Variants in ROBO1 observed in about 807,000 individuals in gnomAD.
ROBO1 encodes the protein roundabout homolog 1.
In ROBO1, 149 loss-of-function variants were observed where a neutral mutation model predicts 195.9. The observed-to-expected ratio is 0.76, with a 90% confidence interval of 0.67 to 0.87. The LOEUF is 0.87. Among genes scored for constraint, ROBO1 ranks in the 40% least tolerant of loss-of-function variants. ROBO1 has a pLI of 0.00. For synonymous variants in ROBO1, 816 were observed against 733.2 expected (o/e 1.11, Z -1.82); for missense variants, 1,933 against 2,068.3 (o/e 0.93, Z 1.27).
chr3:79,280,606 TTTGGATTGCTGTGTC>T (rs2031429907), intron 2 of ROBO1, among the ~76,000 whole-genome samples: 1 of 152,164 alleles, frequency 6.6e-6, no homozygotes, highest in Non-Finnish European at 1.5e-5. Flanking sequence ...TAATCTGACT[TTTGGATTGCTGTGTC>T]TTACACCAGC....
chr3:78,685,855 G>T lies in ROBO1; in HGVS notation c.1233C>A (p.Gly411=). 6.2e-7 allele frequency: 1 copy of T among 1,608,830 alleles called. No homozygotes were observed. Among genetic ancestry groups the T allele is most frequent in the Non-Finnish European group, 8.5e-7 (1 of 1,176,788 alleles). The change falls in exon 10 of 31, where the codon GGC becomes GGA. Residue 411 remains glycine (G), a synonymous_variant. Transcript: ENST00000464233. Reference sequence around the variant, plus strand: ...GCTGGACATTAGTAATTGTGAGGTCGCCAGTCTGGGAGACTGAAAATCGGC... The same window carrying T: ...GCTGGACATTAGTAATTGTGAGGTCTCCAGTCTGGGAGACTGAAAATCGGC... The part of the protein sequence containing the change: ...SSSRFSVSQT[G]DLTITNVQRS...
At chr3:79,350,778 T>G (rs1336594709) in intron 2 of ROBO1, among the ~76,000 whole-genome samples, 1 of 152,156 alleles carries the variant, frequency 6.6e-6, no homozygotes, top group East Asian at 1.9e-4. Flanking sequence ...TTTTTAGTGC[T>G]GAGGGGATTG....
At chr3:79,093,351 A>C (rs541455083) in intron 3 of ROBO1, among the ~76,000 whole-genome samples, 1 of 152,136 alleles carries the variant, frequency 6.6e-6, no homozygotes, top group Non-Finnish European at 1.5e-5. Flanking sequence ...GTTAATTTTC[A>C]TATAAAACAC....
chr3:78,642,694 C>T (rs73850745), intron 21 of ROBO1, among the ~76,000 whole-genome samples: 3,281 of 152,280 alleles, frequency 0.022, 105 homozygotes, highest in African/African-American at 0.069. Context: ...TGAGTAGCAA[C>T]GGCTACTTAA....
chr3:79,491,014 G>A (rs1343595965), intron 2 of ROBO1, among the ~76,000 whole-genome samples: 1 of 151,830 alleles, frequency 6.6e-6, no homozygotes, highest in Non-Finnish European at 1.5e-5. Flanking sequence ...GTGTCTCTAT[G>A]GTAAATTTAT....
intron 2 of ROBO1, among the ~76,000 whole-genome samples, chr3:79,175,271 C>T (rs1419755939): frequency 6.6e-6 from 1 of 152,056 alleles, no homozygotes; most frequent in African/African-American, 2.4e-5. Flanking sequence ...TACTTTAATT[C>T]AGTTAGCACC....
intron 4 of ROBO1, among the ~76,000 whole-genome samples, chr3:78,794,994 T>C (rs2084140105): frequency 1.3e-5 from 2 of 152,206 alleles, no homozygotes; most frequent in South Asian, 4.1e-4. Flanking sequence ...GCCTAGTACT[T>C]GTAATTACAT....
chr3:79,686,053 C>A (rs570832021), intron 1 of ROBO1, among the ~76,000 whole-genome samples: 4 of 152,280 alleles, frequency 2.6e-5, no homozygotes, highest in Admixed American at 2.6e-4. Flanking sequence ...CCCTGGGATG[C>A]AAGGCTGGTT....
chr3:78,833,145 A>G (rs2032381520), intron 4 of ROBO1, among the ~76,000 whole-genome samples: 1 of 152,150 alleles, frequency 6.6e-6, no homozygotes, highest in Admixed American at 6.6e-5. Context: ...AAGGGATATC[A>G]GTGAAGGCAC....
rs556967527 is a variant in ROBO1 at position 79,196,905 on chromosome 3, G to A, written c.89-71366C>T. The stretch of plus-strand genomic sequence containing the variant: ...TCAGATAAGGCTTTTCTCTCTCTGA[G>A]TTTGCATTAATTGGATGATATCATG... On this transcript the variant is annotated intron_variant, in intron 2 of 30. Transcript: ENST00000464233. Among the ~76,000 whole-genome samples the A allele has an allele frequency of 3.3e-5, 5 of 151,774 alleles. No individual in the cohort carries two copies. The East Asian group carries it at 9.7e-4, about 29-fold the overall frequency.
At chr3:79,200,972 A>G (rs911120394) in intron 2 of ROBO1, among the ~76,000 whole-genome samples, 2 of 151,926 alleles carry the variant, frequency 1.3e-5, no homozygotes, top group Non-Finnish European at 2.9e-5. Flanking sequence ...TGAATAGGTG[A>G]AATTTTCTTG....
intron 3 of ROBO1, among the ~76,000 whole-genome samples, chr3:79,096,263 C>T (rs951962424): frequency 6.6e-6 from 1 of 151,892 alleles, no homozygotes; most frequent in East Asian, 1.9e-4. Context: ...TGTGCATCTG[C>T]TTCTGATTTA....
At chr3:79,372,978 G>C (rs1425574769) in intron 2 of ROBO1, among the ~76,000 whole-genome samples, 1 of 151,796 alleles carries the variant, frequency 6.6e-6, no homozygotes, top group Admixed American at 6.6e-5. Flanking sequence ...GTAATACTGG[G>C]GTTTGGGTTT....
At chr3:78,785,693 C>A (rs941601025) in intron 4 of ROBO1, among the ~76,000 whole-genome samples, 1 of 152,152 alleles carries the variant, frequency 6.6e-6, no homozygotes, top group Non-Finnish European at 1.5e-5. Context: ...ATTATTCCTA[C>A]AATTTTTTCT....
At chr3:79,462,444 A>G (rs1230586717) in intron 2 of ROBO1, among the ~76,000 whole-genome samples, 12 of 152,240 alleles carry the variant, frequency 7.9e-5, no homozygotes. Flanking sequence ...TTAAGAAATC[A>G]TTGTTTGCTA....
chr3:79,282,009 T>A (rs575078474), intron 2 of ROBO1, among the ~76,000 whole-genome samples: 1 of 152,182 alleles, frequency 6.6e-6, no homozygotes, highest in Non-Finnish European at 1.5e-5. Flanking sequence ...CCTAAATTAG[T>A]GCTGGAAATA....
intron 2 of ROBO1, among the ~76,000 whole-genome samples, chr3:79,517,920 C>G (rs1941021333): frequency 6.6e-6 from 1 of 152,088 alleles, no homozygotes; most frequent in South Asian, 2.1e-4. Flanking sequence ...ATCATTTAAT[C>G]CCTTTCAGGA....
chr3:79,166,626 T>C (rs1015511052), intron 2 of ROBO1, among the ~76,000 whole-genome samples: 44 of 150,098 alleles, frequency 2.9e-4, no homozygotes, highest in African/African-American at 1.0e-3. Context: ...AGTGCAGTGG[T>C]GCAATCTCGG....
At chr3:79,696,232 T>G (rs1947444489) in intron 1 of ROBO1, among the ~76,000 whole-genome samples, 1 of 151,372 alleles carries the variant, frequency 6.6e-6, no homozygotes, top group Non-Finnish European at 1.5e-5. Flanking sequence ...GATTCCCAAG[T>G]TCTTGCATAT....
Sources: allele counts gnomAD v4.1 joint callset (sites outside exome capture counted in the v4.1 genomes callset), GRCh38; gene constraint gnomAD v4.1.1; transcripts MANE v1.5; gene names NCBI Gene and HGNC (gene_info 2026-07-23, HGNC 2026-07-21).